The following ADGRG6 variants were observed in gnomAD, a reference collection of about 807,000 sequenced individuals.
ADGRG6 encodes the protein adhesion G protein-coupled receptor G6, also known as G-protein coupled receptor 126.
ADGRG6 carries 84 observed loss-of-function variants against 142.4 expected under a neutral mutation model. The observed-to-expected ratio is 0.59, with a 90% CI of 0.49 to 0.71. ADGRG6 has a LOEUF of 0.71. Ranked by LOEUF, ADGRG6 falls within the 30% of genes least tolerant of loss-of-function variation. The pLI is 0.00. For synonymous variants in ADGRG6, 521 were observed against 520.5 expected (o/e 1.00, Z -0.01); for missense variants, 1,367 against 1,466.6 (o/e 0.93, Z 1.11).
intron 2 of ADGRG6, among the ~76,000 whole-genome samples, chr6:142,332,374 A>G (rs1779103526): frequency 6.6e-6 from 1 of 152,178 alleles, no homozygotes; most frequent in African/African-American, 2.4e-5. Context: ...CTTTACATAG[A>G]CATTGAAAGT....
At chr6:142,385,920 A>G (rs952239116) in intron 6 of ADGRG6, among the ~76,000 whole-genome samples, 3 of 152,176 alleles carry the variant, frequency 2.0e-5, no homozygotes, top group Non-Finnish European at 4.4e-5. Context: ...TTACATTCTG[A>G]TATATTAGAG....
chr6:142,422,223 TTACATATGTA>T (rs924284893), intron 22 of ADGRG6, among the ~76,000 whole-genome samples: 45 of 152,214 alleles, frequency 3.0e-4, no homozygotes, highest in African/African-American at 1.1e-3. Flanking sequence ...TGCAGGTTAG[TTACATATGTA>T]TACATATGCC....
chr6:142,434,150 A>G (rs888519296), intron 22 of ADGRG6, among the ~76,000 whole-genome samples: 3 of 151,536 alleles, frequency 2.0e-5, no homozygotes, highest in Non-Finnish European at 4.4e-5. Context: ...CATTACCAAT[A>G]AAGTATTAGT....
At chr6:142,424,129 G>T (rs1339817912) in intron 22 of ADGRG6, among the ~76,000 whole-genome samples, 322 of 117,126 alleles carry the variant, frequency 2.7e-3, no homozygotes, top group African/African-American at 9.3e-3. Context: ...GGGACAATTT[G>T]ACTTCCTCTT....
At chr6:142,391,466 CACACACACACACAGAG>C (rs1259291787) in intron 7 of ADGRG6, among the ~76,000 whole-genome samples, 6 of 150,976 alleles carry the variant, frequency 4.0e-5, no homozygotes, top group Non-Finnish European at 1.5e-5. Flanking sequence ...CACACACACA[CACACACACACACAGAG>C]ACATCTATAT....
intron 2 of ADGRG6, among the ~76,000 whole-genome samples, chr6:142,310,984 AT>A (rs1203293285): frequency 6.6e-6 from 1 of 151,878 alleles, no homozygotes; most frequent in African/African-American, 2.4e-5. Flanking sequence ...GTATTTATAT[AT>A]TTTTAAGGCT....
Position 142,418,540 on chromosome 6 carries a change from C to T in ADGRG6, c.3035+1171C>T, listed in dbSNP as rs1212826916. Among the ~76,000 whole-genome samples the T allele has an allele frequency of 2.6e-5, 4 of 152,142 alleles. No individual in the cohort carries two copies. In the East Asian group the frequency reaches 5.8e-4, roughly 22 times the overall value. ...TTCCAGGGACATTTATAACAACATA[C>T]ATTAAAAGTAGAAATTAATAAATAA... On this transcript the variant is annotated intron_variant, in intron 21 of 24. Coordinates refer to ENST00000367609, the MANE Select transcript of ADGRG6 (RefSeq NM_198569.3).
intron 9 of ADGRG6, among the ~76,000 whole-genome samples, chr6:142,395,161 G>A (rs1423852197): frequency 6.6e-6 from 1 of 152,062 alleles, no homozygotes; most frequent in Non-Finnish European, 1.5e-5. Context: ...AAATGGACTG[G>A]ATTGAGCCAT....
At chr6:142,430,154 A>C (rs1777140683) in intron 22 of ADGRG6, among the ~76,000 whole-genome samples, 1 of 152,180 alleles carries the variant, frequency 6.6e-6, no homozygotes, top group Non-Finnish European at 1.5e-5. Flanking sequence ...ATGCCATCTC[A>C]CATCCCTGAA....
intron 2 of ADGRG6, among the ~76,000 whole-genome samples, chr6:142,333,971 A>G (rs1037470647): frequency 1.3e-5 from 2 of 152,182 alleles, no homozygotes; most frequent in Non-Finnish European, 2.9e-5. Context: ...TTTGGTGAAT[A>G]AAATCTTTTA....
intron 9 of ADGRG6, among the ~76,000 whole-genome samples, chr6:142,395,682 G>T (rs775763362): frequency 6.6e-6 from 1 of 152,038 alleles, no homozygotes; most frequent in Non-Finnish European, 1.5e-5. Context: ...GGGCTTTTTG[G>T]TATGAACTCT....
At chr6:142,340,745 A>G (rs1401379552) in intron 2 of ADGRG6, among the ~76,000 whole-genome samples, 1 of 152,128 alleles carries the variant, frequency 6.6e-6, no homozygotes, top group Non-Finnish European at 1.5e-5. Flanking sequence ...ACTCTTCATC[A>G]GTGAAGTTGC....
intron 2 of ADGRG6, among the ~76,000 whole-genome samples, chr6:142,333,860 A>G (rs1318989665): frequency 6.6e-6 from 1 of 152,232 alleles, no homozygotes; most frequent in Non-Finnish European, 1.5e-5. Flanking sequence ...TTTGTCCATC[A>G]TCACATTAGC....
At chr6:142,363,670 G>A (rs1001185893) in intron 2 of ADGRG6, among the ~76,000 whole-genome samples, 2 of 152,112 alleles carry the variant, frequency 1.3e-5, no homozygotes, top group Non-Finnish European at 2.9e-5. Context: ...TGTTAATCCT[G>A]ATTTTACCAA....
rs1237643708 is a variant in ADGRG6 at position 142,402,055 on chromosome 6, TTAAG to T, written c.1744+3_1744+6del. ...GGGACCTGTTGATATCTCCAACTGT[TTAAG>T]TAAGTGAGCAGTTTTCCTTTATTTC... On this transcript the variant is annotated splice_donor_variant and coding_sequence_variant, in exon 12 of 25. Coordinates refer to ENST00000367609, the MANE Select transcript of ADGRG6 (RefSeq NM_198569.3). LOFTEE classifies it high-confidence loss of function. 3.3e-6 allele frequency: 5 copies of T among 1,510,896 alleles called. No homozygotes were observed. Among genetic ancestry groups the T allele is most frequent in the Non-Finnish European group, 3.7e-6 (4 of 1,095,826 alleles). The allele number at this position is 1,510,896 out of a possible 1,614,324, so 93.6% of individuals were successfully genotyped here. A position where few individuals can be genotyped will look rare whatever the true frequency, so the allele number is the denominator to read the frequency against.
intron 2 of ADGRG6, among the ~76,000 whole-genome samples, chr6:142,327,179 A>T (rs778614915): frequency 1.3e-5 from 2 of 152,082 alleles, no homozygotes; most frequent in Non-Finnish European, 2.9e-5. Flanking sequence ...AAATGTTTTA[A>T]TTTTTAAAGC....
At chr6:142,430,881 G>A (rs1777176054) in intron 22 of ADGRG6, among the ~76,000 whole-genome samples, 1 of 152,072 alleles carries the variant, frequency 6.6e-6, no homozygotes, top group African/African-American at 2.4e-5. Context: ...TATTTGCTGA[G>A]CCAGCCTTGG....
chr6:142,366,844 A>G (rs1583043101), intron 2 of ADGRG6, among the ~76,000 whole-genome samples: 2 of 152,310 alleles, frequency 1.3e-5, no homozygotes, highest in African/African-American at 2.4e-5. Context: ...TGCTTGGCAC[A>G]TAATAGACTC....
chr6:142,312,770 T>G (rs1234776463), intron 2 of ADGRG6, among the ~76,000 whole-genome samples: 1 of 152,118 alleles, frequency 6.6e-6, no homozygotes, highest in East Asian at 1.9e-4. Flanking sequence ...TAACTAGCAT[T>G]GCAATAGCAA....
Sources: allele counts gnomAD v4.1 joint callset (sites outside exome capture counted in the v4.1 genomes callset), GRCh38; gene constraint gnomAD v4.1.1; transcripts MANE v1.5; gene names NCBI Gene and HGNC (gene_info 2026-07-23, HGNC 2026-07-21).